WBP2NL: variants seen among roughly 807,000 people sequenced by gnomAD.
WBP2NL encodes the protein postacrosomal sheath WW domain-binding protein.
A neutral mutation model predicts 23.3 loss-of-function variants in WBP2NL; 27 were observed. That is an observed-to-expected ratio of 1.16 (90% CI 0.85 to 1.60). WBP2NL has a LOEUF of 1.60. Among genes scored for constraint, WBP2NL ranks in the 40% most tolerant of loss-of-function variants. The pLI is 0.00. For missense variants in WBP2NL, 370 were observed against 389.5 expected, an observed-to-expected ratio of 0.95 and a Z score of 0.42; for synonymous variants, 151 against 145.9, an observed-to-expected ratio of 1.03 and a Z score of -0.25.
intron 1 of WBP2NL, among the ~76,000 whole-genome samples, chr22:42,007,926 A>T (rs1922405310): frequency 6.6e-6 from 1 of 152,148 alleles, no homozygotes; most frequent in South Asian, 2.1e-4. Flanking sequence ...CAGAAGCAGG[A>T]TTGCTAGCTT....
intron 1 of WBP2NL, among the ~76,000 whole-genome samples, chr22:42,018,715 A>G (rs1233194185): frequency 2.0e-5 from 3 of 152,154 alleles, no homozygotes; most frequent in South Asian, 2.1e-4. Flanking sequence ...TTACCGCACA[A>G]GAAGTATAAG....
At chr22:42,017,295 A>G (rs1038102823) in intron 1 of WBP2NL, among the ~76,000 whole-genome samples, 11 of 152,212 alleles carry the variant, frequency 7.2e-5, no homozygotes, top group South Asian at 4.1e-4. Flanking sequence ...TTTGTATTTT[A>G]GTAGAGATGG....
chr22:42,023,585 G>A (rs1335707798), intron 5 of WBP2NL, among the ~76,000 whole-genome samples: 4 of 151,944 alleles, frequency 2.6e-5, no homozygotes, highest in East Asian at 1.9e-4. Context: ...TCCACCTCCC[G>A]GGTTCACGCC....
At chr22:42,029,644 T>A (rs1924808468), downstream of WBP2NL, among the ~76,000 whole-genome samples, 1 of 152,212 alleles carries the variant, frequency 6.6e-6, no homozygotes, top group African/African-American at 2.4e-5. Context: ...AGTGCTGGGA[T>A]TACAGGCATG....
intron 4 of WBP2NL, 108 bp downstream of exon 4, chr22:42,020,204 A>G (rs1331654274): frequency 1.7e-6 from 2 of 1,147,100 alleles, no homozygotes; most frequent in Admixed American, 2.4e-5. Context: ...TTTTTGAGAC[A>G]GGGATTTTTG....
intron 8 of WBP2NL, among the ~76,000 whole-genome samples, chr22:42,046,055 A>G (rs1925575895): frequency 6.6e-6 from 1 of 152,230 alleles, no homozygotes; most frequent in Non-Finnish European, 1.5e-5. Context: ...TTTGTAAAAT[A>G]AGTGTCTGGC....
chr22:42,019,288 C>G (rs191299344), intron 1 of WBP2NL, 23 bp from the exon 2 acceptor site: 1 of 1,590,786 alleles, frequency 6.3e-7, no homozygotes, highest in African/African-American at 1.4e-5. Flanking sequence ...TATTGTGTGC[C>G]GTCTGTTCCT....
downstream of WBP2NL, chr22:42,030,026 G>A (rs1355336520): frequency 2.6e-5 from 4 of 152,160 alleles, no homozygotes; most frequent in Admixed American, 6.5e-5. Context: ...AAGGAAGTCA[G>A]GTAGATATTA....
At chr22:42,015,925 T>A (rs1923266840) in intron 1 of WBP2NL, among the ~76,000 whole-genome samples, 2 of 152,174 alleles carry the variant, frequency 1.3e-5, no homozygotes, top group Admixed American at 1.3e-4. Context: ...TTTGTCTGTT[T>A]TTTTGCCCCA....
At chr22:42,056,028 G>A (rs1391305650) in intron 8 of WBP2NL, among the ~76,000 whole-genome samples, 1 of 152,040 alleles carries the variant, frequency 6.6e-6, no homozygotes, top group Non-Finnish European at 1.5e-5. Context: ...CCATTTACAT[G>A]TAATTATTGA....
Position 42,004,592 on chromosome 22 carries a change from C to A in WBP2NL, c.62+5712C>A, listed in dbSNP as rs187068203. ...CTCCAGCCTGGGTGACAGAGTGAGA[C>A]CCTGTCTCAAAAAAGAGAAGGGACA... On this transcript the variant is annotated intron_variant, in intron 1 of 5. Transcript: ENST00000328823. Among the ~76,000 whole-genome samples, 6 of 151,958 alleles carry A rather than the reference C, an allele frequency of 3.9e-5. No individual in the cohort carries two copies. The East Asian group carries it at 1.2e-3, about 30-fold the overall frequency.
intron 1 of WBP2NL, chr22:42,003,454 T>G (rs900338721): frequency 3.3e-5 from 5 of 152,198 alleles, no homozygotes; most frequent in African/African-American, 1.2e-4. Flanking sequence ...ATTAAAAGGA[T>G]TAATCGAAAC....
intron 1 of WBP2NL, among the ~76,000 whole-genome samples, chr22:42,011,755 GTTGTTGTTGTTGTTTTTC>G (rs1656896807): frequency 1.5e-5 from 2 of 136,428 alleles, no homozygotes; most frequent in African/African-American, 3.5e-5. Flanking sequence ...TTTTTTGGTT[GTTGTTGTTGTTGTTTTTC>G]TTGTTGTTGT....
At chr22:42,030,411 T>C (rs183763646), downstream of WBP2NL, 27 of 152,210 alleles carry the variant, frequency 1.8e-4, no homozygotes, top group African/African-American at 6.0e-4. Flanking sequence ...GGGTGGGACA[T>C]CTTGAAGATA....
intron 8 of WBP2NL, among the ~76,000 whole-genome samples, chr22:42,040,159 C>T (rs1157490452): frequency 6.6e-5 from 10 of 151,878 alleles, no homozygotes; most frequent in South Asian, 2.1e-4. Flanking sequence ...GTGATCCACC[C>T]GCCTTGGCCT....
rs1328043886 is a variant in WBP2NL at position 42,009,649 on chromosome 22, G to A, written c.63-9662G>A. On this transcript the variant is annotated intron_variant, in intron 1 of 5. Coordinates refer to ENST00000328823, the MANE Select transcript of WBP2NL (RefSeq NM_152613.3). ...AATTCTCACATATATGTGAAGATTT[G>A]TTTCTATTCTAGTCCATTGGTTTGT... Among the ~76,000 whole-genome samples, 3 of 152,112 alleles carry A rather than the reference G, an allele frequency of 2.0e-5. No homozygotes were observed. The East Asian group carries it at 5.8e-4, about 29-fold the overall frequency.
chr22:42,015,876 A>G (rs1298294531), intron 1 of WBP2NL, among the ~76,000 whole-genome samples: 2 of 152,158 alleles, frequency 1.3e-5, no homozygotes, highest in East Asian at 1.9e-4. Flanking sequence ...TTTATTCCTC[A>G]AAGCATCTCA....
Position 42,046,570 on chromosome 22 carries a change from C to A in WBP2NL, c.*274-11720C>A, listed in dbSNP as rs1602480590. Among the ~76,000 whole-genome samples, 6 of 152,220 alleles carry A rather than the reference C, an allele frequency of 3.9e-5. No individual in the cohort carries two copies. In the South Asian group the frequency reaches 1.2e-3, roughly 32 times the overall value. On this transcript the variant is annotated intron_variant and NMD_transcript_variant, in intron 8 of 8. Coordinates refer to the WBP2NL transcript ENST00000436265. ...CACATCATTTTTAGAAATGTTCTACCTGTATATGGTAATGTCCCATTTTAA... is the reference window on the plus strand; with the variant it reads ...CACATCATTTTTAGAAATGTTCTACATGTATATGGTAATGTCCCATTTTAA...
At chr22:42,040,337 C>T (rs1163921970) in intron 8 of WBP2NL, among the ~76,000 whole-genome samples, 1 of 152,054 alleles carries the variant, frequency 6.6e-6, no homozygotes, top group Non-Finnish European at 1.5e-5. Context: ...ATTCTCCTGC[C>T]TCAGCCTCCT....
Sources: allele counts gnomAD v4.1 joint callset (sites outside exome capture counted in the v4.1 genomes callset), GRCh38; gene constraint gnomAD v4.1.1; transcripts MANE v1.5; gene names NCBI Gene and HGNC (gene_info 2026-07-23, HGNC 2026-07-21).